The following OR51B5 variants were observed in gnomAD, a reference collection of about 807,000 sequenced individuals.
OR51B5 encodes the protein olfactory receptor 51B5.
For synonymous variants in OR51B5, 186 were observed against 144.8 expected (o/e 1.28, Z -2.04); for missense variants, 456 against 374.6 (o/e 1.22, Z -1.79).
intron 1 of OR51B5, among the ~76,000 whole-genome samples, chr11:5,499,149 G>A (rs1176942191): frequency 2.6e-5 from 4 of 152,166 alleles, no homozygotes; most frequent in Admixed American, 1.3e-4. Flanking sequence ...TTGACCTTCT[G>A]ACCTAGGTTT....
At chr11:5,412,478 C>T (rs1241848988) in intron 1 of OR51B5, among the ~76,000 whole-genome samples, 1 of 152,182 alleles carries the variant, frequency 6.6e-6, no homozygotes, top group Non-Finnish European at 1.5e-5. Context: ...CCAGCCGAAG[C>T]AGGGCGAGGC....
exon 1 of OR51B5, chr11:5,343,292 G>C: frequency 6.2e-7 from 1 of 1,611,480 alleles, no homozygotes; most frequent in Non-Finnish European, 8.5e-7. Flanking sequence ...TCCCAGCACC[G>C]TGGGCATTGT....
At chr11:5,476,970 G>C (rs1851317143) in intron 1 of OR51B5, among the ~76,000 whole-genome samples, 1 of 152,276 alleles carries the variant, frequency 6.6e-6, no homozygotes, top group African/African-American at 2.4e-5. Context: ...AGATGAATAA[G>C]TCCTAAAGAT....
intron 1 of OR51B5, among the ~76,000 whole-genome samples, chr11:5,429,047 C>G (rs1027958743): frequency 6.6e-6 from 1 of 151,996 alleles, no homozygotes; most frequent in African/African-American, 2.4e-5. Flanking sequence ...TCAGACTGAC[C>G]CCATCCAGAC....
At chr11:5,399,780 G>T (rs903649720) in intron 1 of OR51B5, among the ~76,000 whole-genome samples, 1 of 142,804 alleles carries the variant, frequency 7.0e-6, no homozygotes, top group Non-Finnish European at 1.5e-5. Flanking sequence ...AAAAAAAAAT[G>T]CAAGAAAGAA....
intron 1 of OR51B5, chr11:5,453,622 T>C (rs1316030076): frequency 1.9e-6 from 3 of 1,613,622 alleles, no homozygotes; most frequent in East Asian, 4.5e-5. Context: ...AATACAGTGA[T>C]CCTGCAGGCT....
At chr11:5,391,530 T>G (rs1211465345) in intron 1 of OR51B5, 1 of 152,218 alleles carries the variant, frequency 6.6e-6, no homozygotes, top group Non-Finnish European at 1.5e-5. Flanking sequence ...ATATTAAATG[T>G]ATGCGTGGAC....
intron 1 of OR51B5, among the ~76,000 whole-genome samples, chr11:5,373,866 C>A (rs1403319402): frequency 1.3e-5 from 2 of 152,158 alleles, no homozygotes; most frequent in African/African-American, 4.8e-5. Flanking sequence ...CTCAAGGAGG[C>A]CTGCCTGCCT....
chr11:5,444,234 G>C (rs1479435294), intron 1 of OR51B5, among the ~76,000 whole-genome samples: 3 of 120,450 alleles, frequency 2.5e-5, no homozygotes, highest in Non-Finnish European at 2.0e-5. Context: ...CAACTACATT[G>C]TTAAATGACT....
At chr11:5,392,917 CA>C (rs61397947) in intron 1 of OR51B5, 119,479 of 151,302 alleles carry the variant, frequency 0.79, 47,453 homozygotes, top group Middle Eastern at 0.84. Context: ...TTCTCAAAAA[CA>C]AAAAAAAAGA....
intron 1 of OR51B5, among the ~76,000 whole-genome samples, chr11:5,424,509 C>A (rs1027392010): frequency 1.1e-4 from 17 of 151,962 alleles, no homozygotes; most frequent in Non-Finnish European, 2.1e-4. Flanking sequence ...TTCCTGAGGC[C>A]GCCCTCCATC....
At chr11:5,404,153 G>C (rs1403966690) in intron 1 of OR51B5, among the ~76,000 whole-genome samples, 2 of 139,048 alleles carry the variant, frequency 1.4e-5, no homozygotes, top group East Asian at 2.4e-4. Context: ...GTCGGGGGCG[G>C]GGGGAGGGGA....
chr11:5,404,555 A>G (rs1850031312), intron 1 of OR51B5, among the ~76,000 whole-genome samples: 1 of 152,196 alleles, frequency 6.6e-6, no homozygotes, highest in Admixed American at 6.5e-5. Context: ...AAAATGGACC[A>G]AGAAACAGGA....
chr11:5,487,364 G>C (rs1026098888), intron 1 of OR51B5, among the ~76,000 whole-genome samples: 22 of 152,206 alleles, frequency 1.4e-4, no homozygotes, highest in African/African-American at 5.3e-4. Context: ...ATTTTGTGAA[G>C]TTAGGTCAGA....
At chr11:5,351,673 C>A in intron 1 of OR51B5, 8 of 1,614,124 alleles carry the variant, frequency 5.0e-6, no homozygotes, top group Non-Finnish European at 6.8e-6. Flanking sequence ...CCTCCATGAG[C>A]CCATGTACTA....
At chr11:5,402,805 C>T (rs1564801522) in intron 1 of OR51B5, 1 of 471,638 alleles carries the variant, frequency 2.1e-6, no homozygotes, top group Non-Finnish European at 4.4e-6. Context: ...GCCATGTTGG[C>T]ACTGGCCGAG....
At chr11:5,365,370 C>T (rs1172825693) in intron 1 of OR51B5, among the ~76,000 whole-genome samples, 8 of 152,084 alleles carry the variant, frequency 5.3e-5, no homozygotes, top group Admixed American at 3.3e-4. Flanking sequence ...TGGCTGGTCC[C>T]GGCATGGCAA....
chr11:5,352,304 T>C, intron 1 of OR51B5: 1 of 1,614,194 alleles, frequency 6.2e-7, no homozygotes, highest in Non-Finnish European at 8.5e-7. Flanking sequence ...GGAAAGCATG[T>C]TCCTCATGTC....
intron 1 of OR51B5, chr11:5,390,596 T>G: frequency 2.0e-6 from 1 of 511,020 alleles, no homozygotes; most frequent in Non-Finnish European, 3.4e-6. Context: ...CTGGCATTTT[T>G]GGTAGCATCA....
Sources: allele counts gnomAD v4.1 joint callset (sites outside exome capture counted in the v4.1 genomes callset), GRCh38; gene constraint gnomAD v4.1.1; transcripts MANE v1.5; gene names NCBI Gene and HGNC (gene_info 2026-07-23, HGNC 2026-07-21).